CSDC2: variants seen among roughly 807,000 people sequenced by gnomAD.
CSDC2 encodes the protein cold shock domain containing C2.
CSDC2 carries 8 observed loss-of-function variants against 15.8 expected under a neutral mutation model. The observed-to-expected ratio is 0.51, with a 90% CI of 0.30 to 0.92. The LOEUF is 0.92. CSDC2 is among the 40% of genes least tolerant of loss of function. The pLI, the probability that CSDC2 is intolerant of heterozygous loss-of-function variation, is 0.07. For synonymous variants in CSDC2, 96 were observed against 92.3 expected, an observed-to-expected ratio of 1.04 and a Z score of -0.23; for missense variants, 195 against 213.3, an observed-to-expected ratio of 0.91 and a Z score of 0.53.
intron 1 of CSDC2, among the ~76,000 whole-genome samples, chr22:41,563,070 A>G: frequency 6.6e-6 from 1 of 152,164 alleles, no homozygotes; most frequent in East Asian, 1.9e-4. Context: ...AAAGGCCTTA[A>G]CCACAGCAGT....
rs748104653 is a variant in CSDC2 at position 41,573,898 on chromosome 22, T to C, written c.299+121T>C. 3 of 1,321,960 alleles carry C rather than the reference T, an allele frequency of 2.3e-6. No homozygotes were observed. In the South Asian group the frequency reaches 4.3e-5, roughly 19 times the overall value. 81.9% of individuals were successfully genotyped at this position (1,321,960 alleles called of 1,614,324 possible). On this transcript the variant is annotated intron_variant, in intron 3 of 3. Transcript: ENST00000306149. ...AGGTCTGTATTCATGGTGCCTTTTC[T>C]GTCCTCTGAGTAGGGGCTGAGGGTG... is the stretch of plus-strand genomic sequence containing the variant.
chr22:41,563,889 G>C (rs1197157100), intron 1 of CSDC2, among the ~76,000 whole-genome samples: 1 of 150,850 alleles, frequency 6.6e-6, no homozygotes, highest in Non-Finnish European at 1.5e-5. Context: ...GGCTAACACG[G>C]TGAAACCCCG....
At chr22:41,565,196 A>T (rs1380108713) in intron 1 of CSDC2, among the ~76,000 whole-genome samples, 2 of 150,664 alleles carry the variant, frequency 1.3e-5, no homozygotes, top group African/African-American at 4.9e-5. Context: ...TTACGCCTTT[A>T]ATCCCAGCAC....
At chr22:41,565,906 C>T (rs2067111285) in intron 1 of CSDC2, among the ~76,000 whole-genome samples, 1 of 152,206 alleles carries the variant, frequency 6.6e-6, no homozygotes, top group South Asian at 2.1e-4. Flanking sequence ...CAGGGGGATG[C>T]ACACTCGCCG....
At position 41,575,417 on chromosome 22, in the gene CSDC2, T is replaced by G. The variant is rs1012551244; in HGVS notation, c.*522T>G. Reference sequence around the variant, plus strand: ...TGCTTTTGGGGAGCCTCTCAGCCTCTGGCAGGGGAGGAGGACTGACACGGA... The same window carrying G: ...TGCTTTTGGGGAGCCTCTCAGCCTCGGGCAGGGGAGGAGGACTGACACGGA... On this transcript the variant is annotated 3_prime_UTR_variant, in exon 4 of 4. Transcript: ENST00000306149. 2.6e-5 allele frequency: 4 copies of G among 156,164 alleles called. No individual in the cohort carries two copies. The highest frequency in any genetic ancestry group is 5.7e-5 in the Non-Finnish European group (4 of 70,596). 9.7% of individuals were successfully genotyped at this position (156,164 alleles called of 1,614,324 possible). A position where few individuals can be genotyped will look rare whatever the true frequency, so the allele number is the denominator to read the frequency against.
At chr22:41,568,997 A>T (rs1228489852) in intron 1 of CSDC2, among the ~76,000 whole-genome samples, 2 of 151,928 alleles carry the variant, frequency 1.3e-5, no homozygotes, top group Non-Finnish European at 2.9e-5. Flanking sequence ...CCCCCTCTCC[A>T]TCCTCCTCTT....
At chr22:41,561,491 T>C (rs1307994436) in intron 1 of CSDC2, among the ~76,000 whole-genome samples, 1 of 152,182 alleles carries the variant, frequency 6.6e-6, no homozygotes, top group Non-Finnish European at 1.5e-5. Flanking sequence ...CGCAGCCTCC[T>C]GTCTGGGAAG....
rs550795688 is a variant in CSDC2, at chr22:41,561,116, C to T, written c.-191C>T. On this transcript the variant is annotated 5_prime_UTR_variant, in exon 1 of 4. The change creates a new upstream start codon in the 5' untranslated region. Transcript: ENST00000306149. ...ACCCATCCCCTGCCTGCCAGCTCCA[C>T]GAGCCAGAGAGAGACAGAGCGCGGA... The T allele has an allele frequency of 3.3e-4, 51 of 154,574 alleles. No individual in the cohort carries two copies. The highest frequency in any genetic ancestry group is 8.6e-5 in the Non-Finnish European group (6 of 70,032). 9.6% of individuals were successfully genotyped at this position (154,574 alleles called of 1,614,324 possible).
intron 2 of CSDC2, among the ~76,000 whole-genome samples, chr22:41,573,183 G>A (rs1001346773): frequency 6.6e-6 from 1 of 152,108 alleles, no homozygotes; most frequent in Non-Finnish European, 1.5e-5. Flanking sequence ...GCAAAACCCT[G>A]TCTCTACTAA....
At chr22:41,572,185 C>T in intron 2 of CSDC2, 44 bp downstream of exon 2, 2 of 1,263,862 alleles carry the variant, frequency 1.6e-6, no homozygotes, top group Non-Finnish European at 1.0e-6. Context: ...CTTGTCAGGA[C>T]AGGGGCTGAC....
At chr22:41,564,676 A>C (rs925100784) in intron 1 of CSDC2, among the ~76,000 whole-genome samples, 1 of 152,116 alleles carries the variant, frequency 6.6e-6, no homozygotes, top group South Asian at 2.1e-4. Context: ...GATTTCATTT[A>C]CATATGTGTT....
At position 41,564,754 on chromosome 22, in the gene CSDC2, G is replaced by A. The variant is rs534881292; in HGVS notation, c.-124+3571G>A. 2.0e-5 allele frequency among the ~76,000 whole-genome samples: 3 copies of A among 152,274 alleles called. No individual in the cohort carries two copies. The South Asian group carries it at 6.2e-4, about 32-fold the overall frequency. On this transcript the variant is annotated intron_variant, in intron 1 of 3. Coordinates refer to ENST00000306149, the MANE Select transcript of CSDC2 (RefSeq NM_014460.4). ...ATCTGGACCAACGATGATTCACGTA[G>A]CTGAAGAGAAAGGTGAGGTCCAGAG...
At chr22:41,564,865 A>C (rs992289033) in intron 1 of CSDC2, among the ~76,000 whole-genome samples, 3 of 152,080 alleles carry the variant, frequency 2.0e-5, no homozygotes, top group African/African-American at 2.4e-5. Context: ...GAGAGGACTC[A>C]TGGTCAAGAG....
chr22:41,572,678 G>C (rs1394477156), intron 2 of CSDC2, among the ~76,000 whole-genome samples: 1 of 152,158 alleles, frequency 6.6e-6, no homozygotes, highest in Non-Finnish European at 1.5e-5. Flanking sequence ...ATGATGTCCT[G>C]GTTGGGTATG....
intron 1 of CSDC2, among the ~76,000 whole-genome samples, chr22:41,563,925 A>AG (rs1194245687): frequency 1.3e-5 from 2 of 151,334 alleles, no homozygotes; most frequent in African/African-American, 4.9e-5. Context: ...CAAAAAAAAA[A>AG]AAAGAAAAAT....
rs1011604568 is a variant in CSDC2, at chr22:41,569,200, C to T, written c.-123-2643C>T. 2.0e-5 allele frequency among the ~76,000 whole-genome samples: 3 copies of T among 152,262 alleles called. No homozygotes were observed. In the East Asian group the frequency reaches 5.8e-4, roughly 29 times the overall value. ...GGCACTCAAGGAGTGCACTGCAGGG[C>T]GTCTGGTGCTTCCCAGCTGTGTCAT... On this transcript the variant is annotated intron_variant, in intron 1 of 3. Transcript: ENST00000306149.
chr22:41,570,955 T>C (rs544087431), intron 1 of CSDC2, among the ~76,000 whole-genome samples: 2 of 145,554 alleles, frequency 1.4e-5, no homozygotes, highest in Non-Finnish European at 3.0e-5. Context: ...CATGTCAGTG[T>C]TCCCCAGACT....
In CSDC2 at chr22:41,574,905, T is replaced by C. The variant is rs66876608; in HGVS notation, c.*10T>C. 0.026 allele frequency: 41,392 copies of C among 1,577,844 alleles called. 3,139 individuals are homozygous for C. The African/African-American group carries it at 0.27, about 10-fold the overall frequency. ...GGTCGTGGGCTCCTAGGCTGAGTGGTTCACAGGCCAGCTGGCCGGGGGTTG... is the reference window on the plus strand; with the variant it reads ...GGTCGTGGGCTCCTAGGCTGAGTGGCTCACAGGCCAGCTGGCCGGGGGTTG... On this transcript the variant is annotated 3_prime_UTR_variant, in exon 4 of 4. Transcript: ENST00000306149.
At chr22:41,571,645 C>A (rs778611045) in intron 1 of CSDC2, among the ~76,000 whole-genome samples, 198 bp from the exon 2 acceptor site, 20 of 152,030 alleles carry the variant, frequency 1.3e-4, no homozygotes, top group Non-Finnish European at 2.5e-4. Flanking sequence ...AATTGAACTG[C>A]AAACTGGAAG....
Sources: gnomAD v4.1 joint callset for allele counts (sites outside exome capture counted in the v4.1 genomes callset) on GRCh38, gnomAD v4.1.1 for gene constraint, MANE v1.5 for transcripts, NCBI Gene and HGNC (gene_info 2026-07-23, HGNC 2026-07-21) for gene names.